ADK: variants seen among roughly 807,000 people sequenced by gnomAD.
ADK encodes N6,N6-dimethyladenosine kinase.
Under a neutral mutation model 44.7 loss-of-function variants are expected in ADK, and 24 were observed. The observed-to-expected ratio is 0.54, with a 90% CI of 0.39 to 0.76. The LOEUF (loss-of-function observed/expected upper bound fraction) is 0.76, where lower values mean the gene tolerates loss of function less well. Among genes scored for constraint, ADK ranks in the 30% least tolerant of loss-of-function variants. ADK has a pLI of 0.00. For missense variants in ADK, 321 were observed against 425.1 expected (o/e 0.76, Z 2.15); for synonymous variants, 128 against 142.6 (o/e 0.90, Z 0.73).
chr10:74,652,705 A>T (rs1288171959), intron 9 of ADK, among the ~76,000 whole-genome samples: 1 of 151,838 alleles, frequency 6.6e-6, no homozygotes. Context: ...GGTTGCAGTG[A>T]ACTGAGATCG....
intron 9 of ADK, among the ~76,000 whole-genome samples, chr10:74,607,957 C>T (rs1344916753): frequency 6.6e-6 from 1 of 151,656 alleles, no homozygotes; most frequent in Non-Finnish European, 1.5e-5. Flanking sequence ...CTAATCTTGT[C>T]ATGATGCTTT....
chr10:74,338,565 G>A (rs888746270), intron 4 of ADK, among the ~76,000 whole-genome samples: 1 of 152,028 alleles, frequency 6.6e-6, no homozygotes. Flanking sequence ...TATATCTATC[G>A]AATGGAATAC....
chr10:74,421,928 T>C (rs902099348), intron 6 of ADK, among the ~76,000 whole-genome samples: 2 of 152,042 alleles, frequency 1.3e-5, no homozygotes, highest in African/African-American at 4.8e-5. Flanking sequence ...TATAAATAAG[T>C]AAATGGAGGA....
chr10:74,569,609 C>A (rs1850852821), intron 7 of ADK, among the ~76,000 whole-genome samples: 1 of 152,160 alleles, frequency 6.6e-6, no homozygotes, highest in Non-Finnish European at 1.5e-5. Context: ...CCTTCGCCCA[C>A]TTTTTGATGA....
At chr10:74,231,697 C>T (rs1215626389) in intron 3 of ADK, among the ~76,000 whole-genome samples, 1 of 152,086 alleles carries the variant, frequency 6.6e-6, no homozygotes, top group African/African-American at 2.4e-5. Context: ...AGCTCCTGGG[C>T]TCAAGTGATA....
At chr10:74,391,998 T>C (rs2132038003) in intron 4 of ADK, among the ~76,000 whole-genome samples, 2 of 152,306 alleles carry the variant, frequency 1.3e-5, no homozygotes, top group South Asian at 4.1e-4. Flanking sequence ...AAGTTCTTGA[T>C]GTTCATCTAT....
At chr10:74,249,904 T>G (rs976138233) in intron 3 of ADK, among the ~76,000 whole-genome samples, 1 of 152,226 alleles carries the variant, frequency 6.6e-6, no homozygotes, top group African/African-American at 2.4e-5. Context: ...CTGAATACAG[T>G]GCCAGACAGT....
chr10:74,708,153 GAAAAAA>G (rs35480343), intron 10 of ADK, among the ~76,000 whole-genome samples, 162 bp from the exon 11 acceptor site: 1 of 132,722 alleles, frequency 7.5e-6, no homozygotes, highest in African/African-American at 2.8e-5. Context: ...CCATCTCGGG[GAAAAAA>G]AAAAAAAAAA....
chr10:74,428,176 A>G (rs973928785), intron 6 of ADK, among the ~76,000 whole-genome samples: 2 of 152,198 alleles, frequency 1.3e-5, no homozygotes, highest in African/African-American at 4.8e-5. Flanking sequence ...CTGTGACTTT[A>G]TCTTAACTTC....
At chr10:74,390,702 C>T (rs1843301129) in intron 4 of ADK, among the ~76,000 whole-genome samples, 1 of 152,178 alleles carries the variant, frequency 6.6e-6, no homozygotes, top group Admixed American at 6.5e-5. Context: ...AAGAATCACA[C>T]ATTACATGTA....
intron 7 of ADK, among the ~76,000 whole-genome samples, chr10:74,565,433 AAAC>A (rs1278839328): frequency 6.6e-6 from 1 of 152,226 alleles, no homozygotes; most frequent in African/African-American, 2.4e-5. Flanking sequence ...AATAATAAAA[AAAC>A]CATAAACCTA....
intron 3 of ADK, among the ~76,000 whole-genome samples, chr10:74,314,286 A>G (rs1648436278): frequency 6.6e-6 from 1 of 152,058 alleles, no homozygotes; most frequent in Admixed American, 6.5e-5. Flanking sequence ...ATGAGGAGAA[A>G]TACATGCTGA....
intron 10 of ADK, among the ~76,000 whole-genome samples, chr10:74,706,073 C>G (rs1380979311): frequency 6.6e-6 from 1 of 152,086 alleles, no homozygotes; most frequent in Non-Finnish European, 1.5e-5. Flanking sequence ...GTAACTTATA[C>G]ATGTAATCCC....
chr10:74,654,932 G>A (rs1031482896), intron 9 of ADK: 2 of 154,422 alleles, frequency 1.3e-5, no homozygotes, highest in Admixed American at 1.3e-4. Flanking sequence ...CATAACAAGC[G>A]GTGTGGAGCC....
At chr10:74,241,392 T>G (rs902466898) in intron 3 of ADK, among the ~76,000 whole-genome samples, 3 of 152,106 alleles carry the variant, frequency 2.0e-5, no homozygotes, top group African/African-American at 7.2e-5. Flanking sequence ...TAAAACTATT[T>G]TTTGGGGAGG....
At chr10:74,439,975 A>G (rs1845340305) in intron 6 of ADK, among the ~76,000 whole-genome samples, 1 of 151,946 alleles carries the variant, frequency 6.6e-6, no homozygotes, top group Non-Finnish European at 1.5e-5. Context: ...TTCTTATAAT[A>G]AGGTATTTCT....
At chr10:74,366,565 T>C (rs1471200070) in intron 4 of ADK, among the ~76,000 whole-genome samples, 2 of 152,198 alleles carry the variant, frequency 1.3e-5, no homozygotes, top group African/African-American at 4.8e-5. Context: ...AAAGAGATCC[T>C]GGATTACAAT....
chr10:74,165,686 A>T (rs1842017268), intron 1 of ADK, among the ~76,000 whole-genome samples: 1 of 152,000 alleles, frequency 6.6e-6, no homozygotes, highest in Admixed American at 6.6e-5. Flanking sequence ...CTTGCTGTTT[A>T]TATTATGTAT....
At chr10:74,676,362 T>A (rs1855391237) in intron 10 of ADK, among the ~76,000 whole-genome samples, 1 of 152,206 alleles carries the variant, frequency 6.6e-6, no homozygotes, top group African/African-American at 2.4e-5. Context: ...ACTCCTGACC[T>A]CAGGTGATCC....
Sources: gnomAD v4.1 joint callset for allele counts (sites outside exome capture counted in the v4.1 genomes callset) on GRCh38, gnomAD v4.1.1 for gene constraint, MANE v1.5 for transcripts, NCBI Gene and HGNC (gene_info 2026-07-23, HGNC 2026-07-21) for gene names.